Variants in RALGAPA2 observed in about 807,000 individuals in gnomAD.
RALGAPA2 encodes ral GTPase-activating protein subunit alpha-2.
A neutral mutation model predicts 230.4 loss-of-function variants in RALGAPA2; 139 were observed. That is an observed-to-expected ratio of 0.60 (90% CI 0.53 to 0.69). The LOEUF (loss-of-function observed/expected upper bound fraction) is 0.69. RALGAPA2 is among the 30% of genes least tolerant of loss of function. The probability of loss-of-function intolerance (pLI) is 0.00; values close to 1 mark genes in which losing one functional copy is unlikely to be tolerated. For synonymous variants in RALGAPA2, 847 were observed against 837.8 expected, an observed-to-expected ratio of 1.01 and a Z score of -0.19; for missense variants, 2,163 against 2,276.0, an observed-to-expected ratio of 0.95 and a Z score of 1.01.
At chr20:20,587,395 A>G (rs1047778823) in intron 18 of RALGAPA2, among the ~76,000 whole-genome samples, 6 of 152,154 alleles carry the variant, frequency 3.9e-5, no homozygotes, top group South Asian at 2.1e-4. Context: ...CATATGAAAG[A>G]GAGGTGGCAT....
chr20:20,630,065 A>C (rs2066620213), intron 9 of RALGAPA2, among the ~76,000 whole-genome samples: 1 of 152,232 alleles, frequency 6.6e-6, no homozygotes, highest in Non-Finnish European at 1.5e-5. Flanking sequence ...TGGAGTGTGA[A>C]GATCTTTAAA....
Position 20,504,207 on chromosome 20 carries a change from T to C in RALGAPA2, c.5053-701A>G, listed in dbSNP as rs897006978. 3.3e-5 allele frequency among the ~76,000 whole-genome samples: 5 copies of C among 152,322 alleles called. No homozygotes were observed. The East Asian group carries it at 9.6e-4, about 29-fold the overall frequency. On this transcript the variant is annotated intron_variant, in intron 34 of 39. Transcript: ENST00000202677. ...TGATAATGTATGGCTTAAAAATATA[T>C]TAAATAACAACTATATTCTATGACA... is the stretch of plus-strand genomic sequence containing the variant.
At chr20:20,455,489 A>G (rs1173626405) in intron 37 of RALGAPA2, among the ~76,000 whole-genome samples, 1 of 152,194 alleles carries the variant, frequency 6.6e-6, no homozygotes, top group African/African-American at 2.4e-5. Context: ...GCCATGTGAA[A>G]TCTCTGGCTG....
At chr20:20,512,000 C>T (rs951282669) in intron 32 of RALGAPA2, among the ~76,000 whole-genome samples, 3 of 151,960 alleles carry the variant, frequency 2.0e-5, no homozygotes, top group African/African-American at 4.8e-5. Context: ...ACCAGCCTGG[C>T]GAACATGGTG....
intron 10 of RALGAPA2, among the ~76,000 whole-genome samples, chr20:20,628,667 C>T (rs969865240): frequency 6.6e-6 from 1 of 152,156 alleles, no homozygotes; most frequent in South Asian, 2.1e-4. Flanking sequence ...GCCAGTAGCA[C>T]CCCCTCCCCA....
intron 10 of RALGAPA2, among the ~76,000 whole-genome samples, chr20:20,627,734 C>T (rs1038503773): frequency 6.6e-6 from 1 of 152,192 alleles, no homozygotes; most frequent in African/African-American, 2.4e-5. Context: ...TTATGCTTTC[C>T]GGCTCCTGGT....
Position 20,546,843 on chromosome 20 carries a change from A to T in RALGAPA2, c.3157-11T>A. The T allele has an allele frequency of 1.3e-6, 2 of 1,566,774 alleles. No homozygotes were observed. The highest frequency in any genetic ancestry group is 1.7e-6 in the Non-Finnish European group (2 of 1,163,200). On this transcript the variant is annotated splice_polypyrimidine_tract_variant and intron_variant, in intron 23 of 39. Transcript: ENST00000202677. ...CGTATTTAAGATATCCTAAAAGGGA[A>T]GATAAGAAAAAACACAATCGTAATG...
intron 23 of RALGAPA2, among the ~76,000 whole-genome samples, chr20:20,554,820 T>C (rs2064034177): frequency 1.3e-5 from 2 of 152,198 alleles, no homozygotes; most frequent in South Asian, 4.1e-4. Context: ...GACTTCTTTA[T>C]ATATTCTAGA....
chr20:20,599,959 T>A (rs1490109000), intron 16 of RALGAPA2, among the ~76,000 whole-genome samples: 6 of 150,080 alleles, frequency 4.0e-5, no homozygotes, highest in Admixed American at 1.3e-4. Context: ...GGCTTTTTTT[T>A]AAGACTCTGT....
At chr20:20,459,423 T>G (rs2061248458) in intron 37 of RALGAPA2, among the ~76,000 whole-genome samples, 1 of 150,224 alleles carries the variant, frequency 6.7e-6, no homozygotes, top group Admixed American at 6.6e-5. Flanking sequence ...GAGGTTTTTT[T>G]GCTTTTTTTT....
intron 27 of RALGAPA2, among the ~76,000 whole-genome samples, chr20:20,531,324 C>T (rs2063360556): frequency 6.6e-6 from 1 of 152,172 alleles, no homozygotes; most frequent in Admixed American, 6.5e-5. Context: ...ACTGAGAGGC[C>T]TAACTGGAAG....
chr20:20,535,594 A>G (rs2145603348), intron 26 of RALGAPA2, 151 bp downstream of exon 26: 2 of 1,201,804 alleles, frequency 1.7e-6, no homozygotes, highest in African/African-American at 3.1e-5. Flanking sequence ...TAATCATGCA[A>G]AGCATCTTCC....
At chr20:20,397,655 AC>A (rs1209605046) in intron 38 of RALGAPA2, among the ~76,000 whole-genome samples, 1 of 151,836 alleles carries the variant, frequency 6.6e-6, no homozygotes, top group Admixed American at 6.6e-5. Flanking sequence ...TTTTCTGCTG[AC>A]CCCCTCTGCC....
intron 24 of RALGAPA2, among the ~76,000 whole-genome samples, chr20:20,545,520 C>A (rs541876425): frequency 6.6e-6 from 1 of 152,154 alleles, no homozygotes; most frequent in African/African-American, 2.4e-5. Flanking sequence ...AATTTAAAAC[C>A]AAGGGCTTGA....
intron 37 of RALGAPA2, among the ~76,000 whole-genome samples, chr20:20,414,224 A>G (rs149376712): frequency 6.6e-6 from 1 of 152,260 alleles, no homozygotes; most frequent in Non-Finnish European, 1.5e-5. Flanking sequence ...TCAACGCTCA[A>G]TTCATGGCTC....
chr20:20,643,813 CAT>C (rs1390149141), intron 4 of RALGAPA2, among the ~76,000 whole-genome samples: 3 of 151,636 alleles, frequency 2.0e-5, no homozygotes, highest in Non-Finnish European at 4.4e-5. Context: ...GGATTATGCG[CAT>C]ATATCTCTTG....
chr20:20,477,215 T>C (rs2061673474), intron 36 of RALGAPA2, among the ~76,000 whole-genome samples: 1 of 152,220 alleles, frequency 6.6e-6, no homozygotes, highest in Non-Finnish European at 1.5e-5. Context: ...ATATTAAATA[T>C]ATTTCCAAGG....
intron 5 of RALGAPA2, 93 bp from the exon 6 acceptor site, chr20:20,640,971 A>C: frequency 1.7e-6 from 2 of 1,176,914 alleles, no homozygotes; most frequent in Non-Finnish European, 2.4e-6. Flanking sequence ...AAAAACTACA[A>C]GTTAAAGGTG....
intron 3 of RALGAPA2, among the ~76,000 whole-genome samples, chr20:20,664,224 A>C (rs1318159860): frequency 1.3e-5 from 2 of 152,234 alleles, no homozygotes; most frequent in African/African-American, 4.8e-5. Flanking sequence ...TACCGTATTA[A>C]GTAGTAAAAT....
Sources: gnomAD v4.1 joint callset for allele counts (sites outside exome capture counted in the v4.1 genomes callset) on GRCh38, gnomAD v4.1.1 for gene constraint, MANE v1.5 for transcripts, NCBI Gene and HGNC (gene_info 2026-07-23, HGNC 2026-07-21) for gene names.